FILIP1L: variants seen among roughly 807,000 people sequenced by gnomAD.
FILIP1L encodes filamin A interacting protein 1 like, also known as filamin A-interacting protein 1-like.
Under a neutral mutation model 96.6 loss-of-function variants are expected in FILIP1L, and 55 were observed. The observed-to-expected ratio is 0.57, with a 90% CI of 0.46 to 0.71. The LOEUF (loss-of-function observed/expected upper bound fraction) is 0.71, where lower values mean the gene tolerates loss of function less well. FILIP1L is among the 30% of genes least tolerant of loss of function. The probability of loss-of-function intolerance (pLI) is 0.00; values close to 1 mark genes in which losing one functional copy is unlikely to be tolerated. For synonymous variants in FILIP1L, 467 were observed against 473.9 expected (o/e 0.99, Z 0.19); for missense variants, 1,304 against 1,321.2 (o/e 0.99, Z 0.20).
intron 1 of FILIP1L, among the ~76,000 whole-genome samples, chr3:100,083,472 C>T (rs968812608): frequency 6.6e-6 from 1 of 152,198 alleles, no homozygotes; most frequent in Non-Finnish European, 1.5e-5. Context: ...GCAAGCTCTC[C>T]GTCTGATTCT....
At chr3:100,039,535 C>G (rs936357363) in intron 1 of FILIP1L, among the ~76,000 whole-genome samples, 3 of 151,906 alleles carry the variant, frequency 2.0e-5, no homozygotes, top group Non-Finnish European at 4.4e-5. Context: ...TTATAATATG[C>G]GGGATACCAG....
At chr3:100,022,457 A>G (rs2064843623) in intron 1 of FILIP1L, among the ~76,000 whole-genome samples, 1 of 152,218 alleles carries the variant, frequency 6.6e-6, no homozygotes, top group Non-Finnish European at 1.5e-5. Context: ...CAGTTCAACA[A>G]TTGCACATCC....
chr3:99,932,665 G>A (rs1707521783), intron 1 of FILIP1L, among the ~76,000 whole-genome samples: 2 of 152,080 alleles, frequency 1.3e-5, no homozygotes, highest in Admixed American at 6.5e-5. Flanking sequence ...CGAGGCAGGC[G>A]GATTACCCGA....
intron 1 of FILIP1L, among the ~76,000 whole-genome samples, chr3:99,946,302 T>C (rs1418676623): frequency 6.6e-6 from 1 of 152,250 alleles, no homozygotes; most frequent in Non-Finnish European, 1.5e-5. Flanking sequence ...AACTATGTCT[T>C]CACTCAGTCA....
intron 1 of FILIP1L, among the ~76,000 whole-genome samples, chr3:100,018,729 G>A (rs1373652810): frequency 1.2e-4 from 9 of 77,892 alleles, no homozygotes; most frequent in Admixed American, 1.6e-4. Context: ...AAAAGTTTCC[G>A]CATAGCAAAA....
chr3:100,038,162 G>A (rs550784844), intron 1 of FILIP1L, among the ~76,000 whole-genome samples: 1 of 152,146 alleles, frequency 6.6e-6, no homozygotes, highest in East Asian at 1.9e-4. Flanking sequence ...CACCATACTG[G>A]CCAGGCTGGT....
intron 1 of FILIP1L, among the ~76,000 whole-genome samples, chr3:100,017,013 T>C (rs1437313993): frequency 6.6e-6 from 1 of 152,208 alleles, no homozygotes; most frequent in Non-Finnish European, 1.5e-5. Context: ...GATCTTTAAA[T>C]GGGTTTTTGT....
chr3:99,901,143 G>T (rs937619326), intron 4 of FILIP1L, among the ~76,000 whole-genome samples: 11 of 152,186 alleles, frequency 7.2e-5, no homozygotes, highest in African/African-American at 2.4e-4. Context: ...GTAAGCTTTA[G>T]TATTGCTTTA....
intron 4 of FILIP1L, among the ~76,000 whole-genome samples, chr3:99,919,778 C>T (rs1307307559): frequency 2.6e-5 from 4 of 152,092 alleles, no homozygotes; most frequent in African/African-American, 9.7e-5. Flanking sequence ...AAAGTTGTTT[C>T]AGCCAAAGGG....
At chr3:100,088,863 T>C (rs188272663) in intron 1 of FILIP1L, among the ~76,000 whole-genome samples, 129 of 152,316 alleles carry the variant, frequency 8.5e-4, no homozygotes, top group Admixed American at 1.4e-3. Context: ...TAGTGAGCTT[T>C]TTTTTCCTTT....
At chr3:99,888,936 G>A (rs1249381562) in intron 4 of FILIP1L, among the ~76,000 whole-genome samples, 2 of 152,076 alleles carry the variant, frequency 1.3e-5, no homozygotes, top group East Asian at 3.9e-4. Flanking sequence ...TTAGGTAGAG[G>A]AAGAGCATCT....
At chr3:99,989,570 C>A (rs1433512476) in intron 1 of FILIP1L, among the ~76,000 whole-genome samples, 3 of 152,018 alleles carry the variant, frequency 2.0e-5, no homozygotes, top group African/African-American at 4.8e-5. Flanking sequence ...ACTGCTCTTG[C>A]AAGCTACTCT....
chr3:99,992,688 T>C (rs947810007), intron 1 of FILIP1L, among the ~76,000 whole-genome samples: 1 of 151,188 alleles, frequency 6.6e-6, no homozygotes, highest in African/African-American at 2.4e-5. Flanking sequence ...ATTTGTCTAG[T>C]TTTTTTTTGG....
At chr3:100,093,486 C>CT (rs1199400343) in intron 1 of FILIP1L, among the ~76,000 whole-genome samples, 3 of 151,804 alleles carry the variant, frequency 2.0e-5, no homozygotes, top group Non-Finnish European at 4.4e-5. Context: ...TTTAAGTAAA[C>CT]TTTTTACTTT....
chr3:99,860,124 A>G (rs1184085270), intron 4 of FILIP1L, among the ~76,000 whole-genome samples: 2 of 152,188 alleles, frequency 1.3e-5, no homozygotes, highest in African/African-American at 4.8e-5. Flanking sequence ...GAGATCCTTT[A>G]GAGATACCAT....
intron 1 of FILIP1L, among the ~76,000 whole-genome samples, chr3:100,011,285 C>T (rs1189890867): frequency 6.6e-6 from 1 of 152,130 alleles, no homozygotes; most frequent in Non-Finnish European, 1.5e-5. Flanking sequence ...TTCTGTAGAA[C>T]TCGACACGTG....
chr3:100,028,306 A>G (rs2064964163), intron 1 of FILIP1L, among the ~76,000 whole-genome samples: 1 of 152,172 alleles, frequency 6.6e-6, no homozygotes, highest in South Asian at 2.1e-4. Context: ...GTCATTTTTC[A>G]GCCTTTGTTC....
chr3:99,849,029 T>C lies in FILIP1L; in HGVS notation c.2647A>G (p.Asn883Asp). Reference protein sequence around the residue: ...LQNGKMQTKPNANFVQPGDLV... With the variant: ...LQNGKMQTKPDANFVQPGDLV... ...TCTCCAGGTTGCACAAAGTTGGCAT[T>C]GGGTTTAGTTTGCATTTTTCCATTC... Residue 883 changes from asparagine (N) to aspartate (D), a missense_variant, in exon 5 of 6, where the codon AAT (asparagine) becomes GAT (aspartate). Asn to Asp is a conservative substitution (Grantham distance 23). Coordinates refer to ENST00000477258, the MANE Select transcript of FILIP1L (RefSeq NM_001387850.1). The C allele has an allele frequency of 4.3e-6, 7 of 1,614,096 alleles. No individual in the cohort carries two copies. Among genetic ancestry groups the C allele is most frequent in the Non-Finnish European group, 5.9e-6 (7 of 1,180,000 alleles).
In FILIP1L at chr3:99,958,016, CAT is replaced by C. The variant is rs958615894; in HGVS notation, c.-10-26988_-10-26987del. ...TTTTTAGTTATTAGGGCTGGATATT[CAT>C]ATGTTTATATAAAGGCTCAATGGGC... On this transcript the variant is annotated intron_variant, in intron 1 of 5. Transcript: ENST00000477258. Among the ~76,000 whole-genome samples, 39 of 148,728 alleles carry C rather than the reference CAT, an allele frequency of 2.6e-4. No homozygotes were observed. In the East Asian group the frequency reaches 7.6e-3, roughly 29 times the overall value.
Sources: allele counts gnomAD v4.1 joint callset (sites outside exome capture counted in the v4.1 genomes callset), GRCh38; gene constraint gnomAD v4.1.1; transcripts MANE v1.5; gene names NCBI Gene and HGNC (gene_info 2026-07-23, HGNC 2026-07-21).